The following PSMD6 variants were observed in gnomAD, a reference collection of about 807,000 sequenced individuals.
PSMD6 encodes the protein 26S proteasome non-ATPase regulatory subunit 6.
Under a neutral mutation model 44.9 loss-of-function variants are expected in PSMD6, and 7 were observed. The observed-to-expected ratio is 0.16, with a 90% CI of 0.09 to 0.29. The LOEUF is 0.29. PSMD6 is among the 10% of genes least tolerant of loss of function. The pLI is 1.00. For synonymous variants in PSMD6, 184 were observed against 172.7 expected (o/e 1.07, Z -0.51); for missense variants, 420 against 482.6 (o/e 0.87, Z 1.21).
intron 2 of PSMD6, among the ~76,000 whole-genome samples, chr3:64,020,663 T>C (rs2076114720): frequency 6.6e-6 from 1 of 152,198 alleles, no homozygotes; most frequent in Non-Finnish European, 1.5e-5. Flanking sequence ...TAGATATACA[T>C]TGCAAAACAA....
chr3:64,013,438 C>A lies in PSMD6; in HGVS notation c.995+1G>T. 6.4e-7 allele frequency: 1 copy of A among 1,556,514 alleles called. No homozygotes were observed. The highest frequency in any genetic ancestry group is 8.7e-7 in the Non-Finnish European group (1 of 1,153,748). ...ATTAACATGGCATTATTCAAACTTACTGATCAATGAATTCCACACCAACAC... is the reference window on the plus strand; with the variant it reads ...ATTAACATGGCATTATTCAAACTTAATGATCAATGAATTCCACACCAACAC... On this transcript the variant is annotated splice_donor_variant, in intron 6 of 7. Coordinates refer to ENST00000295901, the MANE Select transcript of PSMD6 (RefSeq NM_014814.3). LOFTEE classifies it high-confidence loss of function.
chr3:64,015,746 T>A (rs951446099), intron 5 of PSMD6: 1 of 152,356 alleles, frequency 6.6e-6, no homozygotes, highest in Non-Finnish European at 1.5e-5. Context: ...AAAACCTGAT[T>A]AACAGCAGTT....
At position 64,018,860 on chromosome 3, in the gene PSMD6, A is replaced by G. The variant is rs1011159579; in HGVS notation, c.675T>C (p.Tyr225=). The G allele has an allele frequency of 2.5e-6, 4 of 1,594,686 alleles. No homozygotes were observed. Among genetic ancestry groups the G allele is most frequent in the Admixed American group, 1.7e-5 (1 of 59,986 alleles). ...DYKTFVTYTV[Y]VSMIALERPD... The stretch of plus-strand genomic sequence containing the variant: ...GTCTTTCTAAGGCAATCATACTGAC[A>G]TAGACAGTATAAGTCACAAATGTTT... Residue 225 remains tyrosine (Y), a synonymous_variant, in exon 4 of 8, where the codon TAT becomes TAC. Transcript: ENST00000295901.
intron 2 of PSMD6, among the ~76,000 whole-genome samples, chr3:64,020,761 T>C (rs2076115912): frequency 6.6e-6 from 1 of 152,230 alleles, no homozygotes; most frequent in African/African-American, 2.4e-5. Context: ...AGTACTCCTG[T>C]TTTACACATG....
At chr3:64,022,710 G>C (rs905080734) in intron 1 of PSMD6, 187 bp from the exon 2 acceptor site, 3 of 1,536,780 alleles carry the variant, frequency 2.0e-6, no homozygotes, top group African/African-American at 1.4e-5. Flanking sequence ...TGGGAGGTTT[G>C]CGTGACGGCC....
At chr3:64,018,090 A>G (rs1160778666) in intron 5 of PSMD6, among the ~76,000 whole-genome samples, 1 of 152,246 alleles carries the variant, frequency 6.6e-6, no homozygotes, top group Non-Finnish European at 1.5e-5. Context: ...ATGATTTGCA[A>G]ATCAGCACAG....
intron 3 of PSMD6, 114 bp from the exon 4 acceptor site, chr3:64,019,151 G>C: frequency 9.4e-6 from 13 of 1,381,184 alleles, no homozygotes; most frequent in Non-Finnish European, 1.3e-5. Context: ...ACCGAAAGGA[G>C]ATATTTAAAT....
At chr3:64,019,146 AAGG>A in intron 3 of PSMD6, 109 bp from the exon 4 acceptor site, 1 of 1,387,952 alleles carries the variant, frequency 7.2e-7, no homozygotes, top group Non-Finnish European at 1.0e-6. Flanking sequence ...CTTGAACCGA[AAGG>A]AGATATTTAA....
chr3:64,022,684 C>T, intron 1 of PSMD6, 161 bp from the exon 2 acceptor site: 1 of 1,537,908 alleles, frequency 6.5e-7, no homozygotes, highest in Non-Finnish European at 8.7e-7. Flanking sequence ...CTTGGCAAAA[C>T]ATAAACGTAT....
chr3:64,019,171 A>G, intron 3 of PSMD6, 125 bp downstream of exon 3: 1 of 1,388,438 alleles, frequency 7.2e-7, no homozygotes, highest in Non-Finnish European at 1.0e-6. Flanking sequence ...TTATTTTACT[A>G]AATAAGTACA....
rs11547579 is a variant in PSMD6 at position 64,018,868 on chromosome 3, T to C, written c.667A>G (p.Thr223Ala). The change falls in exon 4 of 8, where the codon ACT (threonine) becomes GCT (alanine). Residue 223 changes from threonine (T) to alanine (A), a missense_variant. Physicochemically the swap from Thr to Ala is moderately conservative, Grantham distance 58. Coordinates refer to ENST00000295901, the MANE Select transcript of PSMD6 (RefSeq NM_014814.3). Reference protein sequence around the residue: ...LMDYKTFVTYTVYVSMIALER... With the variant: ...LMDYKTFVTYAVYVSMIALER... ...AAGGCAATCATACTGACATAGACAG[T>C]ATAAGTCACAAATGTTTTATAATCC... The C allele has an allele frequency of 2.3e-5, 36 of 1,597,950 alleles. No homozygotes were observed. The African/African-American group carries it at 4.8e-4, about 21-fold the overall frequency.
At chr3:64,016,119 G>A (rs1257152341) in intron 5 of PSMD6, 2 of 151,972 alleles carry the variant, frequency 1.3e-5, no homozygotes, top group Non-Finnish European at 2.9e-5. Flanking sequence ...CCCGGGAGGC[G>A]GAGCTTGCAA....
intron 6 of PSMD6, chr3:64,011,393 T>TAACA (rs1198945914): frequency 6.7e-6 from 1 of 149,470 alleles, no homozygotes; most frequent in African/African-American, 2.4e-5. Flanking sequence ...TTTCCCTCTC[T>TAACA]AACATATCTT....
At chr3:64,013,647 T>A (rs750225536) in intron 5 of PSMD6, 40 bp from the exon 6 acceptor site, 1 of 1,521,808 alleles carries the variant, frequency 6.6e-7, no homozygotes, top group Non-Finnish European at 8.8e-7. Flanking sequence ...AGACTCTCCG[T>A]TTCAGATAAA....
upstream of PSMD6, chr3:64,023,501 T>A (rs1458498846): frequency 2.7e-6 from 4 of 1,462,792 alleles, no homozygotes; most frequent in East Asian, 7.9e-5. Context: ...AGTCGGCGAA[T>A]ACGCCCGGCC....
chr3:64,018,299 G>C (rs192259055), intron 5 of PSMD6: 3 of 209,666 alleles, frequency 1.4e-5, no homozygotes, highest in African/African-American at 4.7e-5. Flanking sequence ...CTCAGCAAAG[G>C]GCCAGAGGGT....
chr3:64,013,682 A>G, intron 5 of PSMD6, 75 bp from the exon 6 acceptor site: 1 of 1,329,866 alleles, frequency 7.5e-7, no homozygotes, highest in Non-Finnish European at 1.0e-6. Flanking sequence ...AAGCAACACT[A>G]CTAGTTGAGT....
At chr3:64,018,393 T>G (rs2076080650) in intron 5 of PSMD6, 2 of 423,066 alleles carry the variant, frequency 4.7e-6, no homozygotes, top group Non-Finnish European at 4.3e-6. Flanking sequence ...TAAAAATCAT[T>G]CTTACCTCCT....
chr3:64,019,757 C>T (rs2076101074), intron 2 of PSMD6: 2 of 235,894 alleles, frequency 8.5e-6, no homozygotes, highest in Non-Finnish European at 1.6e-5. Context: ...TCAATGTTTT[C>T]TCTCATAATC....
Sources: allele counts gnomAD v4.1 joint callset (sites outside exome capture counted in the v4.1 genomes callset), GRCh38; gene constraint gnomAD v4.1.1; transcripts MANE v1.5; gene names NCBI Gene and HGNC (gene_info 2026-07-23, HGNC 2026-07-21).